Variants in CCDC171 observed in about 807,000 individuals in gnomAD.
CCDC171 encodes coiled-coil domain containing 171.
A neutral mutation model predicts 168.2 loss-of-function variants in CCDC171; 177 were observed. The ratio of observed to expected loss-of-function variants is 1.05; its 90% CI spans 0.93 to 1.19. The LOEUF is 1.19. CCDC171 is among the 50% of genes most tolerant of loss of function. CCDC171 has a pLI of 0.00. For missense variants in CCDC171, 1,991 were observed against 1,539.0 expected, an observed-to-expected ratio of 1.29 and a Z score of -4.91; for synonymous variants, 687 against 540.8, an observed-to-expected ratio of 1.27 and a Z score of -3.75.
At chr9:15,986,554 C>T (rs1927701) in intron 3 of CCDC171, among the ~76,000 whole-genome samples, 75,200 of 152,046 alleles carry the variant, frequency 0.49, 19,983 homozygotes, top group African/African-American at 0.7. Flanking sequence ...AATCCAAGAA[C>T]TGTAATGGGA....
chr9:15,699,792 C>CA (rs1443076412), intron 11 of CCDC171, among the ~76,000 whole-genome samples: 2 of 152,180 alleles, frequency 1.3e-5, no homozygotes, highest in African/African-American at 4.8e-5. Flanking sequence ...TCCAAGGTCC[C>CA]ACCAGAGTAG....
At chr9:15,960,642 A>G (rs1830247300) in intron 25 of CCDC171, among the ~76,000 whole-genome samples, 1 of 152,184 alleles carries the variant, frequency 6.6e-6, no homozygotes, top group Admixed American at 6.6e-5. Context: ...ATTCCTGACT[A>G]TCATGTAAAG....
intron 24 of CCDC171, among the ~76,000 whole-genome samples, chr9:15,882,243 G>C (rs2131349965): frequency 6.6e-6 from 1 of 152,182 alleles, no homozygotes; most frequent in African/African-American, 2.4e-5. Context: ...GTTTTCTTTT[G>C]AGAAATATCT....
intron 2 of CCDC171, among the ~76,000 whole-genome samples, chr9:15,571,117 A>G (rs1452488603): frequency 6.6e-6 from 1 of 152,168 alleles, no homozygotes; most frequent in Non-Finnish European, 1.5e-5. Context: ...AGCTTCCAGT[A>G]ATTGGTTGCT....
At chr9:15,791,808 C>G (rs1307374086) in intron 21 of CCDC171, among the ~76,000 whole-genome samples, 1 of 152,126 alleles carries the variant, frequency 6.6e-6, no homozygotes, top group Non-Finnish European at 1.5e-5. Context: ...GACATCCACA[C>G]CAAAACCTCA....
chr9:16,101,381 A>T, the CCDC171 span, among the ~76,000 whole-genome samples: 1 of 152,124 alleles, frequency 6.6e-6, no homozygotes, highest in East Asian at 1.9e-4. Context: ...TTGTATTTTT[A>T]TTTCTTCTAT....
At chr9:16,040,225 G>A (rs923500818), upstream of CCDC171, among the ~76,000 whole-genome samples, 16 of 152,302 alleles carry the variant, frequency 1.1e-4, no homozygotes, top group Non-Finnish European at 1.5e-4. Flanking sequence ...GCTGGCCAAC[G>A]CTTTGCCCAG....
chr9:15,956,004 G>T lies in CCDC171; in HGVS notation c.3754-15605G>T, dbSNP rs563527010. ...TAGATTTAGATGAAAAATGTGGCTGGACTTAATGAATAAAATTGATGCAGG... is the reference window on the plus strand; with the variant it reads ...TAGATTTAGATGAAAAATGTGGCTGTACTTAATGAATAAAATTGATGCAGG... On this transcript the variant is annotated intron_variant, in intron 25 of 25. Transcript: ENST00000380701. Among the ~76,000 whole-genome samples, 556 of 152,254 alleles carry T rather than the reference G, an allele frequency of 3.7e-3. 5 individuals carry two copies. Among genetic ancestry groups the T allele is most frequent in the African/African-American group, 0.013 (529 of 41,536 alleles).
At chr9:15,983,077 C>T (rs923367984) in intron 3 of CCDC171, among the ~76,000 whole-genome samples, 1 of 152,168 alleles carries the variant, frequency 6.6e-6, no homozygotes, top group African/African-American at 2.4e-5. Flanking sequence ...GTGTTTGCTT[C>T]TTGAAGCTCC....
intron 4 of CCDC171, among the ~76,000 whole-genome samples, chr9:15,582,103 A>T (rs567365079): frequency 6.6e-6 from 1 of 152,332 alleles, no homozygotes; most frequent in Admixed American, 6.5e-5. Flanking sequence ...CAATCTCATC[A>T]GAAAGTGGGC....
At chr9:16,040,244 C>G (rs1833551293), upstream of CCDC171, among the ~76,000 whole-genome samples, 1 of 152,222 alleles carries the variant, frequency 6.6e-6, no homozygotes, top group African/African-American at 2.4e-5. Context: ...AGTCCTGCCT[C>G]TGTTCCTGGA....
chr9:15,804,783 G>C (rs1679031814), intron 21 of CCDC171, among the ~76,000 whole-genome samples: 2 of 151,836 alleles, frequency 1.3e-5, no homozygotes, highest in African/African-American at 4.8e-5. Flanking sequence ...TTATTACTGG[G>C]AGGAATCTCT....
chr9:15,561,168 T>G (rs1344315068), intron 1 of CCDC171, among the ~76,000 whole-genome samples: 1 of 152,200 alleles, frequency 6.6e-6, no homozygotes, highest in Non-Finnish European at 1.5e-5. Context: ...ATGTATAAAG[T>G]ATGGATATTA....
intron 25 of CCDC171, among the ~76,000 whole-genome samples, chr9:15,925,369 T>G (rs1438133462): frequency 6.6e-6 from 1 of 151,494 alleles, no homozygotes; most frequent in Non-Finnish European, 1.5e-5. Context: ...TCTACAAAGT[T>G]TCTGTGATGG....
At chr9:15,738,220 A>T (rs1340267736) in intron 16 of CCDC171, among the ~76,000 whole-genome samples, 1 of 152,194 alleles carries the variant, frequency 6.6e-6, no homozygotes, top group East Asian at 1.9e-4. Flanking sequence ...CAGAGTCTCA[A>T]AGTTCACAGA....
chr9:15,843,773 G>T (rs879652503), intron 21 of CCDC171, among the ~76,000 whole-genome samples: 2 of 152,062 alleles, frequency 1.3e-5, no homozygotes, highest in African/African-American at 2.4e-5. Context: ...AGGCCTCAAG[G>T]CCTAAAAACA....
chr9:15,877,968 C>T (rs1297916871), intron 24 of CCDC171, among the ~76,000 whole-genome samples: 1 of 151,938 alleles, frequency 6.6e-6, no homozygotes, highest in African/African-American at 2.4e-5. Context: ...GTTGAGTGCA[C>T]AAAAATCAAT....
At chr9:15,619,952 A>T (rs1367018007) in intron 6 of CCDC171, among the ~76,000 whole-genome samples, 1 of 152,222 alleles carries the variant, frequency 6.6e-6, no homozygotes, top group Non-Finnish European at 1.5e-5. Flanking sequence ...AAATGGGACA[A>T]CAAAGCCCAG....
intron 6 of CCDC171, among the ~76,000 whole-genome samples, chr9:15,597,809 G>A (rs567556690): frequency 6.6e-6 from 1 of 152,022 alleles, no homozygotes; most frequent in South Asian, 2.1e-4. Flanking sequence ...ATTAATTATT[G>A]CCTCAATTTC....
Sources: gnomAD v4.1 joint callset for allele counts (sites outside exome capture counted in the v4.1 genomes callset) on GRCh38, gnomAD v4.1.1 for gene constraint, MANE v1.5 for transcripts, NCBI Gene and HGNC (gene_info 2026-07-23, HGNC 2026-07-21) for gene names.